RTTN: variants seen among roughly 807,000 people sequenced by gnomAD.
The protein encoded by RTTN is rotatin.
Under a neutral mutation model 269.2 loss-of-function variants are expected in RTTN, and 182 were observed. The observed-to-expected ratio is 0.68, with a 90% CI of 0.60 to 0.76. The LOEUF is 0.76. RTTN is among the 30% of genes least tolerant of loss of function. The pLI is 0.00. For synonymous variants in RTTN, 1,006 were observed against 963.5 expected (o/e 1.04, Z -0.82); for missense variants, 2,545 against 2,608.6 (o/e 0.98, Z 0.53).
In RTTN at chr18:70,205,430, G is replaced by A. The variant is rs1600105437; in HGVS notation, c.32-115C>T. The A allele has an allele frequency of 2.4e-5, 34 of 1,421,070 alleles. No individual in the cohort carries two copies. The East Asian group carries it at 7.3e-4, about 31-fold the overall frequency. 88.0% of individuals were successfully genotyped at this position (1,421,070 alleles called of 1,614,324 possible). On this transcript the variant is annotated intron_variant, in intron 1 of 48. Transcript: ENST00000640769. Reference sequence around the variant, plus strand: ...AATAAACCAGTTTTTTTCAGAAGCAGGCCACTGGTGCCTTCGGGACGCGAA... The same window carrying A: ...AATAAACCAGTTTTTTTCAGAAGCAAGCCACTGGTGCCTTCGGGACGCGAA...
chr18:70,174,889 G>A (rs1179016191), intron 11 of RTTN, among the ~76,000 whole-genome samples: 1 of 150,768 alleles, frequency 6.6e-6, no homozygotes, highest in Non-Finnish European at 1.5e-5. Context: ...TTAGCTGGGT[G>A]TGGTGGCTCA....
chr18:70,015,021 T>C (rs935336262), intron 46 of RTTN, among the ~76,000 whole-genome samples: 2 of 152,122 alleles, frequency 1.3e-5, no homozygotes, highest in African/African-American at 4.8e-5. Context: ...GTCTAGCATG[T>C]TATTGTCGTT....
chr18:70,201,625 A>C (rs1217870346), intron 4 of RTTN, among the ~76,000 whole-genome samples: 1 of 150,116 alleles, frequency 6.7e-6, no homozygotes, highest in African/African-American at 2.4e-5. Flanking sequence ...AAAAAAAAAA[A>C]AAAAAAAAAC....
At chr18:70,062,608 CTT>C (rs34842071) in intron 35 of RTTN, among the ~76,000 whole-genome samples, 2,673 of 61,680 alleles carry the variant, frequency 0.043, 23 homozygotes, top group Admixed American at 0.12. Flanking sequence ...ATCCTCCCCT[CTT>C]TTTTTTTTTT....
rs928148310 is a variant in RTTN at position 70,121,623 on chromosome 18, ATTAAT to A, written c.3456_3460del (p.Lys1152AsnfsTer22). On this transcript the variant is annotated frameshift_variant, in exon 26 of 49. Transcript: ENST00000640769. LOFTEE classifies it high-confidence loss of function. ...TGAAGAATTTTTTCTTTGTTCCTTT[ATTAAT>A]TTATTTAAAAAATGTATGATATCTA... is the stretch of plus-strand genomic sequence containing the variant. The A allele has an allele frequency of 1.3e-5, 21 of 1,580,628 alleles. No homozygotes were observed. The highest frequency in any genetic ancestry group is 2.0e-5 in the Admixed American group (1 of 51,226).
intron 28 of RTTN, among the ~76,000 whole-genome samples, chr18:70,100,167 G>C (rs2059120504): frequency 6.6e-6 from 1 of 152,164 alleles, no homozygotes; most frequent in Non-Finnish European, 1.5e-5. Flanking sequence ...AAATTACCTT[G>C]GCCAGTATGG....
chr18:70,197,501 A>G, intron 6 of RTTN, 123 bp downstream of exon 6: 2 of 686,528 alleles, frequency 2.9e-6, no homozygotes, highest in South Asian at 3.2e-5. Flanking sequence ...AAATAGCCAA[A>G]TACTTCACTT....
chr18:70,033,540 T>C (rs1357923521), intron 40 of RTTN, among the ~76,000 whole-genome samples: 2 of 152,132 alleles, frequency 1.3e-5, no homozygotes, highest in Non-Finnish European at 2.9e-5. Flanking sequence ...AGAACAATGA[T>C]AACATACCAG....
At position 70,117,538 on chromosome 18, in the gene RTTN, G is replaced by A. The variant is rs115619995; in HGVS notation, c.3529-2939C>T. 3.6e-3 allele frequency among the ~76,000 whole-genome samples: 546 copies of A among 152,024 alleles called. 4 individuals are homozygous for A. Among genetic ancestry groups the A allele is most frequent in the African/African-American group, 0.012 (515 of 41,516 alleles). ...ATATGAGATAAAGTAGAAGCTTTCC[G>A]AAGAAAGGTTTAATACCATACAAAA... On this transcript the variant is annotated intron_variant, in intron 26 of 48. Coordinates refer to ENST00000640769, the MANE Select transcript of RTTN (RefSeq NM_173630.4).
At chr18:70,167,240 G>A (rs996301680) in intron 12 of RTTN, among the ~76,000 whole-genome samples, 15 of 152,214 alleles carry the variant, frequency 9.9e-5, no homozygotes, top group Non-Finnish European at 1.5e-5. Context: ...TGCCACATGA[G>A]ACTTTCTATT....
At position 70,046,668 on chromosome 18, in the gene RTTN, G is replaced by A. The variant is rs79076944; in HGVS notation, c.5541+1303C>T. On this transcript the variant is annotated intron_variant, in intron 40 of 48. Coordinates refer to ENST00000640769, the MANE Select transcript of RTTN (RefSeq NM_173630.4). ...GAAAATTTGAGTGAACTGACAGTGA[G>A]GTAGTAGGTACAGGAAAGCTATGGC... Among the ~76,000 whole-genome samples, 1,046 of 152,252 alleles carry A rather than the reference G, an allele frequency of 6.9e-3. 8 individuals carry two copies. The highest frequency in any genetic ancestry group is 0.024 in the African/African-American group (981 of 41,546).
chr18:70,106,560 T>A lies in RTTN; in HGVS notation c.3903+2938A>T, dbSNP rs554555651. Among the ~76,000 whole-genome samples, 6 of 152,208 alleles carry A rather than the reference T, an allele frequency of 3.9e-5. No homozygotes were observed. In the East Asian group the frequency reaches 1.2e-3, roughly 29 times the overall value. Reference sequence around the variant, plus strand: ...GCCATCCCTAAAAGAGAGGAAACTATGTGAAAGAAGCAGTCTTTTTAAAGT... The same window carrying A: ...GCCATCCCTAAAAGAGAGGAAACTAAGTGAAAGAAGCAGTCTTTTTAAAGT... On this transcript the variant is annotated intron_variant, in intron 28 of 48. Transcript: ENST00000640769.
rs757350626 is a variant in RTTN at position 70,114,529 on chromosome 18, C to T, written c.3599G>A (p.Arg1200Gln). 2 of 1,613,604 alleles carry T rather than the reference C, an allele frequency of 1.2e-6. No homozygotes were observed. The highest frequency in any genetic ancestry group is 1.7e-5 in the Admixed American group (1 of 60,010). Residue 1200 changes from arginine to glutamine, a missense_variant, in exon 27 of 49, where the codon CGG becomes CAG. By Grantham distance (43) the Arg-to-Gln change is conservative. Transcript: ENST00000640769. ...SQAREETDDI[R>Q]TAVRQQLQKE... ...CTGAAGTTGTTGCCTGACAGCAGTC[C>T]GGATATCATCTGTTTCTTCTCGTGC...
Position 70,197,691 on chromosome 18 carries a change from A to G in RTTN, c.626T>C (p.Leu209Pro). ...NHTLIWNTCE[L>P]LKDVIMQDFP... Reference sequence around the variant, plus strand: ...ATCTTGCATGATAACATCCTTCAATAGTTCACAGGTGTTCCAGATTAAAGT... The same window carrying G: ...ATCTTGCATGATAACATCCTTCAATGGTTCACAGGTGTTCCAGATTAAAGT... Residue 209 changes from leucine (L) to proline (P), a missense_variant, in exon 6 of 49, where the codon CTA (leucine) becomes CCA (proline). By Grantham distance (98) the Leu-to-Pro change is moderately conservative. Coordinates refer to ENST00000640769, the MANE Select transcript of RTTN (RefSeq NM_173630.4). The G allele has an allele frequency of 6.2e-7, 1 of 1,613,848 alleles. No individual in the cohort carries two copies. Among genetic ancestry groups the G allele is most frequent in the Non-Finnish European group, 8.5e-7 (1 of 1,179,720 alleles).
chr18:70,146,025 GAC>G (rs146057323), intron 17 of RTTN, among the ~76,000 whole-genome samples: 2 of 152,154 alleles, frequency 1.3e-5, no homozygotes, highest in East Asian at 3.9e-4. Context: ...CTACAAATGA[GAC>G]AGACTCACTG....
chr18:70,097,832 T>G (rs1156856190), intron 28 of RTTN, among the ~76,000 whole-genome samples: 1 of 152,228 alleles, frequency 6.6e-6, no homozygotes, highest in East Asian at 1.9e-4. Context: ...ATTTCTGGTA[T>G]TTGAAACGTA....
chr18:70,051,919 T>C (rs565058291), intron 38 of RTTN, among the ~76,000 whole-genome samples: 1 of 152,302 alleles, frequency 6.6e-6, no homozygotes, highest in Admixed American at 6.5e-5. Flanking sequence ...AGAGTAAGTT[T>C]TCCCCTATTT....
At chr18:70,048,551 CAT>C (rs1313571352) in intron 39 of RTTN, among the ~76,000 whole-genome samples, 2 of 152,142 alleles carry the variant, frequency 1.3e-5, no homozygotes, top group Non-Finnish European at 2.9e-5. Flanking sequence ...ATCAAAATTA[CAT>C]GTGTTGTTTT....
chr18:70,114,800 T>C (rs2059562458), intron 26 of RTTN, among the ~76,000 whole-genome samples: 1 of 151,994 alleles, frequency 6.6e-6, no homozygotes, highest in Admixed American at 6.6e-5. Flanking sequence ...ATATTTATCA[T>C]ATAAAATAGA....
Sources: gnomAD v4.1 joint callset for allele counts (sites outside exome capture counted in the v4.1 genomes callset) on GRCh38, gnomAD v4.1.1 for gene constraint, MANE v1.5 for transcripts, NCBI Gene and HGNC (gene_info 2026-07-23, HGNC 2026-07-21) for gene names.